C5: variants seen among roughly 807,000 people sequenced by gnomAD.
C5 encodes the protein C3 and PZP-like alpha-2-macroglobulin domain-containing protein 4.
C5 carries 140 observed loss-of-function variants against 218.8 expected under a neutral mutation model. The observed-to-expected ratio is 0.64, with a 90% confidence interval of 0.56 to 0.74. The LOEUF is 0.74. Ranked by LOEUF, C5 falls within the 30% of genes least tolerant of loss-of-function variation. C5 has a pLI of 0.00. For synonymous variants in C5, 614 were observed against 682.3 expected (o/e 0.90, Z 1.56); for missense variants, 1,700 against 1,969.6 (o/e 0.86, Z 2.59).
chr9:121,017,651 G>T lies in C5; in HGVS notation c.1708C>A (p.Gln570Lys), dbSNP rs1408188778. 1.2e-6 allele frequency: 2 copies of T among 1,613,192 alleles called. No homozygotes were observed. The highest frequency in any genetic ancestry group is 2.2e-5 in the South Asian group (2 of 91,050). The change falls in exon 13 of 41, where the codon CAG (glutamine) becomes AAG (lysine). Residue 570 changes from glutamine to lysine, a missense_variant. By Grantham distance (53) the Gln-to-Lys change is moderately conservative (BLOSUM62 1). Transcript: ENST00000223642. ...TATAATTTGTGGCTTACCTGGAGCT[G>T]GTTGCCACATTTTTCTTCAATATTT... Reference protein sequence around the residue: ...WLNIEEKCGNQLQVHLSPDAD... With the variant: ...WLNIEEKCGNKLQVHLSPDAD...
At chr9:121,064,805 A>G in the C5 span, among the ~76,000 whole-genome samples, 1 of 152,208 alleles carries the variant, frequency 6.6e-6, no homozygotes, top group Admixed American at 6.5e-5. Flanking sequence ...TCATGCCTGT[A>G]ATCCCAGCTG....
chr9:121,062,960 G>C, the C5 span, among the ~76,000 whole-genome samples: 2 of 152,008 alleles, frequency 1.3e-5, no homozygotes, highest in Non-Finnish European at 2.9e-5. Flanking sequence ...TTCTCTTTGA[G>C]TTTATCATAC....
chr9:121,017,567 T>A, intron 13 of C5, 56 bp from the exon 14 acceptor site: 4 of 1,607,782 alleles, frequency 2.5e-6, no homozygotes, highest in Non-Finnish European at 2.6e-6. Context: ...ACAAGACTTT[T>A]CAGAAGCAGC....
chr9:120,976,610 G>A (rs2046954935), intron 29 of C5, 90 bp downstream of exon 29: 3 of 1,010,934 alleles, frequency 3.0e-6, no homozygotes, highest in Non-Finnish European at 1.6e-6. Flanking sequence ...ATGCTCATTT[G>A]GTGGACAAAG....
At chr9:121,051,417 C>G (rs1056111835), upstream of C5, among the ~76,000 whole-genome samples, 1 of 152,012 alleles carries the variant, frequency 6.6e-6, no homozygotes, top group African/African-American at 2.4e-5. Context: ...AGCCACTGTG[C>G]CTGGCTGATT....
intron 17 of C5, among the ~76,000 whole-genome samples, chr9:121,013,663 G>A (rs1054125817): frequency 6.6e-6 from 1 of 152,146 alleles, no homozygotes; most frequent in Admixed American, 6.5e-5. Flanking sequence ...GGTTATGCCA[G>A]GTCTTAACTC....
chr9:121,057,913 TAGA>T, the C5 span, among the ~76,000 whole-genome samples: 1 of 152,220 alleles, frequency 6.6e-6, no homozygotes, highest in Non-Finnish European at 1.5e-5. Flanking sequence ...TCATAAGTTG[TAGA>T]AGTTCTTTGC....
intron 30 of C5, 95 bp downstream of exon 30, chr9:120,974,684 G>A (rs1564136327): frequency 8.8e-6 from 10 of 1,138,788 alleles, no homozygotes; most frequent in Non-Finnish European, 1.1e-5. Flanking sequence ...ATATGTTTAA[G>A]TAGTGAAGAG....
chr9:121,030,401 C>G lies in C5; in HGVS notation c.754G>C (p.Ala252Pro), dbSNP rs112959008. 2.1e-6 allele frequency: 3 copies of G among 1,434,552 alleles called. No homozygotes were observed. The African/African-American group carries it at 4.3e-5, about 20-fold the overall frequency. 88.9% of individuals were successfully genotyped at this position (1,434,552 alleles called of 1,614,324 possible). Reference sequence around the variant, plus strand: ...CAAAAAAACAAATGTTCTTACCTTGCTTTTATAGTAATTTCAAAATTCTTA... The same window carrying G: ...CAAAAAAACAAATGTTCTTACCTTGGTTTTATAGTAATTTCAAAATTCTTA... Reference protein sequence around the residue: ...NFKNFEITIKARYFYNKVVTE... With the variant: ...NFKNFEITIKPRYFYNKVVTE... Residue 252 changes from alanine to proline, a missense_variant, in exon 7 of 41, where the codon GCA becomes CCA. By Grantham distance (27) the Ala-to-Pro change is conservative. Coordinates refer to ENST00000223642, the MANE Select transcript of C5 (RefSeq NM_001735.3).
At chr9:120,964,414 C>T (rs1412096924) in intron 33 of C5, among the ~76,000 whole-genome samples, 2 of 152,120 alleles carry the variant, frequency 1.3e-5, no homozygotes, top group Admixed American at 6.5e-5. Flanking sequence ...TGCAGTGCGC[C>T]GAGATCGCAG....
chr9:121,052,993 AGTGACATTGT>A (rs2047680227), upstream of C5, among the ~76,000 whole-genome samples: 2 of 152,200 alleles, frequency 1.3e-5, no homozygotes, highest in African/African-American at 4.8e-5. Flanking sequence ...ATAAAAAATA[AGTGACATTGT>A]GTTTGTTATT....
chr9:120,960,743 A>G (rs2046821247), intron 37 of C5, among the ~76,000 whole-genome samples: 1 of 152,222 alleles, frequency 6.6e-6, no homozygotes, highest in African/African-American at 2.4e-5. Context: ...TCTTCTTCCA[A>G]TGTGGCCCAC....
chr9:121,008,753 A>C (rs1031781159), intron 17 of C5, among the ~76,000 whole-genome samples: 1 of 152,072 alleles, frequency 6.6e-6, no homozygotes, highest in Non-Finnish European at 1.5e-5. Context: ...AACATGTTGA[A>C]ACCCCGTCTC....
intron 10 of C5, 81 bp downstream of exon 10, chr9:121,023,323 C>G: frequency 1.1e-6 from 1 of 899,668 alleles, no homozygotes; most frequent in Non-Finnish European, 1.9e-6. Context: ...AACATTCTTA[C>G]CCTGTTTGCC....
intron 8 of C5, 191 bp from the exon 9 acceptor site, chr9:121,025,771 T>A: frequency 1.9e-6 from 1 of 538,414 alleles, no homozygotes; most frequent in Non-Finnish European, 3.3e-6. Context: ...TGTATAGAAT[T>A]ATAGAAGTAG....
rs2047662047 is a variant in C5 at position 121,050,253 on chromosome 9, A to C, written c.-7T>G. The C allele has an allele frequency of 6.2e-7, 1 of 1,612,430 alleles. No homozygotes were observed. The highest frequency in any genetic ancestry group is 1.3e-5 in the African/African-American group (1 of 74,902). ...GTATTCCCAAAAGGCCCATGGTTGGAGGTAGCAGGAAACCACGGATATAAC... is the reference window on the plus strand; with the variant it reads ...GTATTCCCAAAAGGCCCATGGTTGGCGGTAGCAGGAAACCACGGATATAAC... On this transcript the variant is annotated 5_prime_UTR_variant, in exon 1 of 41. Coordinates refer to ENST00000223642, the MANE Select transcript of C5 (RefSeq NM_001735.3).
At position 120,976,803 on chromosome 9, in the gene C5, G is replaced by T; in HGVS notation, c.3761C>A (p.Ala1254Asp). The T allele has an allele frequency of 6.2e-7, 1 of 1,614,016 alleles. No homozygotes were observed. The highest frequency in any genetic ancestry group is 2.2e-5 in the East Asian group (1 of 44,884). The change falls in exon 29 of 41, where the codon GCT (alanine) becomes GAT (aspartate). Residue 1254 changes from alanine to aspartate, a missense_variant. Ala to Asp is a moderately radical substitution (Grantham distance 126). Transcript: ENST00000223642. ...TTTCAAGTTCAGACTGGTGAGTAAA[G>T]CATAGGCAGTTGTTTCTACCATACG... ...TARMVETTAY[A>D]LLTSLNLKDI...
intron 15 of C5, 74 bp from the exon 16 acceptor site, chr9:121,015,335 CTATT>C (rs2047298456): frequency 3.0e-6 from 3 of 985,726 alleles, no homozygotes; most frequent in Admixed American, 3.8e-5. Flanking sequence ...TTCCATGAAA[CTATT>C]TAAGTATTTA....
At chr9:121,037,648 AC>A (rs2131808977) in intron 4 of C5, among the ~76,000 whole-genome samples, 1 of 152,268 alleles carries the variant, frequency 6.6e-6, no homozygotes, top group East Asian at 1.9e-4. Context: ...GCAAGATTGT[AC>A]TTAAATGGTT....
Sources: gnomAD v4.1 joint callset for allele counts (sites outside exome capture counted in the v4.1 genomes callset) on GRCh38, gnomAD v4.1.1 for gene constraint, MANE v1.5 for transcripts, NCBI Gene and HGNC (gene_info 2026-07-23, HGNC 2026-07-21) for gene names.